The following RPL15 variants were observed in gnomAD, a reference collection of about 807,000 sequenced individuals.
RPL15 encodes the protein large ribosomal subunit protein eL15.
For missense variants in RPL15, 161 were observed against 271.8 expected, an observed-to-expected ratio of 0.59 and a Z score of 2.87; for synonymous variants, 97 against 95.1, an observed-to-expected ratio of 1.02 and a Z score of -0.12.
rs1705018462 is a variant in RPL15, at chr3:23,920,515, T to C, written c.*1014T>C. The C allele has an allele frequency of 5.1e-6, 5 of 985,286 alleles. No individual in the cohort carries two copies. Among genetic ancestry groups the C allele is most frequent in the Non-Finnish European group, 6.0e-6 (5 of 829,796 alleles). The allele number at this position is 985,286 out of a possible 1,614,324, so 61.0% of individuals were successfully genotyped here. ...ACTATGAGTATACCACCACATTGCA[T>C]TTCTGTTTGCACCATGTCTTCCAGG... On this transcript the variant is annotated 3_prime_UTR_variant, in exon 4 of 4. Transcript: ENST00000307839.
At chr3:23,918,401 TC>T (rs776879944) in intron 2 of RPL15, 38 bp from the exon 3 acceptor site, 1 of 1,603,330 alleles carries the variant, frequency 6.2e-7, no homozygotes, top group South Asian at 1.1e-5. Flanking sequence ...CCTTACGGCT[TC>T]CTATAAAATC....
At chr3:23,921,576 T>G (rs769264177), downstream of RPL15, 2,821 of 624,552 alleles carry the variant, frequency 4.5e-3, 7 homozygotes, top group African/African-American at 9.3e-3. Context: ...TTGAGTTTTT[T>G]TTTTTTTTTT....
upstream of RPL15, chr3:23,916,904 C>A (rs567355103): frequency 6.5e-6 from 1 of 152,874 alleles, no homozygotes; most frequent in Non-Finnish European, 1.5e-5. Flanking sequence ...CTCGCTTAGC[C>A]GCCGAGACCT....
In RPL15 at chr3:23,920,758, C is replaced by A; in HGVS notation, c.*1257C>A. On this transcript the variant is annotated 3_prime_UTR_variant, in exon 4 of 4. Coordinates refer to ENST00000307839, the MANE Select transcript of RPL15 (RefSeq NM_002948.5). The stretch of plus-strand genomic sequence containing the variant: ...AAAGTTCTTGAGACCTAAATTTCTT[C>A]ACAAAAAAAGAAAAGATCTTAAGTC... 1 of 972,962 alleles carries A rather than the reference C, an allele frequency of 1.0e-6. No homozygotes were observed. The highest frequency in any genetic ancestry group is 1.2e-6 in the Non-Finnish European group (1 of 818,682). 60.3% of individuals were successfully genotyped at this position (972,962 alleles called of 1,614,324 possible).
chr3:23,921,756 G>T (rs1330163873), downstream of RPL15: 4 of 604,288 alleles, frequency 6.6e-6, no homozygotes, highest in East Asian at 1.1e-4. Flanking sequence ...TGTATTTTTA[G>T]TAGAGACTGG....
chr3:23,918,345 G>C (rs1417876153), intron 2 of RPL15, 95 bp from the exon 3 acceptor site: 2 of 1,381,454 alleles, frequency 1.4e-6, no homozygotes, highest in Non-Finnish European at 2.0e-6. Context: ...ACTTACTGTT[G>C]AAGTATTTTT....
chr3:23,924,238 A>G (rs1224329988), downstream of RPL15: 1 of 152,248 alleles, frequency 6.6e-6, no homozygotes, highest in Non-Finnish European at 1.5e-5. Flanking sequence ...AACTAATTCA[A>G]TAAATAAAGT....
chr3:23,919,770 TAAATTCTTTAAAAGGAGAG>T lies in RPL15; in HGVS notation c.*272_*290del. ...ATACTGTGTGGTATAACAGGCTTAA[TAAATTCTTTAAAAGGAGAG>T]AACTGAAACTAGCCCTGTAGATTTG... On this transcript the variant is annotated 3_prime_UTR_variant, in exon 4 of 4. Coordinates refer to ENST00000307839, the MANE Select transcript of RPL15 (RefSeq NM_002948.5). 1 of 1,150,174 alleles carries T rather than the reference TAAATTCTTTAAAAGGAGAG, an allele frequency of 8.7e-7. No individual in the cohort carries two copies. The highest frequency in any genetic ancestry group is 4.5e-5 in the East Asian group (1 of 22,432). 71.2% of individuals were successfully genotyped at this position (1,150,174 alleles called of 1,614,324 possible).
At chr3:23,916,657 C>T (rs1247813721), upstream of RPL15, 1 of 152,578 alleles carries the variant, frequency 6.6e-6, no homozygotes, top group Non-Finnish European at 1.5e-5. Flanking sequence ...CGGGGGATCT[C>T]TCAGCGCAGC....
chr3:23,920,671 C>G lies in RPL15; in HGVS notation c.*1170C>G. ...TTCTGAACCAATTTTCTCCTATCTT[C>G]TCTAGGGGTTTCAAAAGACTCAGTT... On this transcript the variant is annotated 3_prime_UTR_variant, in exon 4 of 4. Transcript: ENST00000307839. 1.0e-6 allele frequency: 1 copy of G among 985,234 alleles called. No homozygotes were observed. The highest frequency in any genetic ancestry group is 1.2e-6 in the Non-Finnish European group (1 of 829,794). 61.0% of individuals were successfully genotyped at this position (985,234 alleles called of 1,614,324 possible).
chr3:23,920,151 T>A lies in RPL15; in HGVS notation c.*650T>A. ...AGCAATGAATGCTAGGGTGGGAAGCTGGTGAGCCAGTGGCCATTAGATAAA... is the reference window on the plus strand; with the variant it reads ...AGCAATGAATGCTAGGGTGGGAAGCAGGTGAGCCAGTGGCCATTAGATAAA... On this transcript the variant is annotated 3_prime_UTR_variant, in exon 4 of 4. Coordinates refer to ENST00000307839, the MANE Select transcript of RPL15 (RefSeq NM_002948.5). The A allele has an allele frequency of 2.0e-6, 2 of 985,844 alleles. No individual in the cohort carries two copies. Among genetic ancestry groups the A allele is most frequent in the Non-Finnish European group, 1.2e-6 (1 of 829,892 alleles). The allele number at this position is 985,844 out of a possible 1,614,324, so 61.1% of individuals were successfully genotyped here.
At chr3:23,917,691 C>A in intron 1 of RPL15, 159 bp from the exon 2 acceptor site, 1 of 674,530 alleles carries the variant, frequency 1.5e-6, no homozygotes, top group Non-Finnish European at 2.5e-6. Flanking sequence ...TCCGTGGGCG[C>A]AGTGGTGGGG....
At chr3:23,921,681 T>A (rs755124866), downstream of RPL15, 10 of 667,274 alleles carry the variant, frequency 1.5e-5, no homozygotes, top group Non-Finnish European at 2.4e-5. Flanking sequence ...TTTGAGCAAT[T>A]CTTCTGCCTC....
Position 23,919,538 on chromosome 3 carries a change from A to T in RPL15, c.*37A>T. 3.4e-6 allele frequency: 5 copies of T among 1,488,986 alleles called. No individual in the cohort carries two copies. Among genetic ancestry groups the T allele is most frequent in the Non-Finnish European group, 4.5e-6 (5 of 1,122,794 alleles). The allele number at this position is 1,488,986 out of a possible 1,614,324, so 92.2% of individuals were successfully genotyped here. ...TTTGTAAAATTCATACTTAATAAAC[A>T]ATTTAGGACAGTCATGTCTGCTTAC... is the stretch of plus-strand genomic sequence containing the variant. On this transcript the variant is annotated 3_prime_UTR_variant, in exon 4 of 4. Coordinates refer to ENST00000307839, the MANE Select transcript of RPL15 (RefSeq NM_002948.5).
At chr3:23,916,845 G>A (rs1233698755), upstream of RPL15, 1 of 152,824 alleles carries the variant, frequency 6.5e-6, no homozygotes. Flanking sequence ...ACCGGCTTTG[G>A]AGCCTGGACC....
intron 1 of RPL15, 97 bp from the exon 2 acceptor site, chr3:23,917,753 G>A (rs1704727117): frequency 8.1e-7 from 1 of 1,236,828 alleles, no homozygotes; most frequent in Non-Finnish European, 1.1e-6. Context: ...CATTCCCGGC[G>A]GTTTCCTTGT....
At position 23,919,626 on chromosome 3, in the gene RPL15, A is replaced by G. The variant is rs1461145283; in HGVS notation, c.*125A>G. The G allele has an allele frequency of 2.8e-6, 4 of 1,423,786 alleles. No individual in the cohort carries two copies. Among genetic ancestry groups the G allele is most frequent in the Non-Finnish European group, 1.8e-6 (2 of 1,093,498 alleles). 88.2% of individuals were successfully genotyped at this position (1,423,786 alleles called of 1,614,324 possible). A position where few individuals can be genotyped will look rare whatever the true frequency, so the allele number is the denominator to read the frequency against. On this transcript the variant is annotated 3_prime_UTR_variant, in exon 4 of 4. Transcript: ENST00000307839. ...TTCTTGAATGCTTTGTCAAATTAAG[A>G]AAGTTAAAGTGCAATAATGTTTGAA... is the stretch of plus-strand genomic sequence containing the variant.
chr3:23,917,776 A>G lies in RPL15; in HGVS notation c.-10-74A>G, dbSNP rs1275545987. 6 of 1,419,436 alleles carry G rather than the reference A, an allele frequency of 4.2e-6. No individual in the cohort carries two copies. The East Asian group carries it at 1.2e-4, about 28-fold the overall frequency. 87.9% of individuals were successfully genotyped at this position (1,419,436 alleles called of 1,614,324 possible). On this transcript the variant is annotated intron_variant, in intron 1 of 3. Transcript: ENST00000307839. ...GCGGTTTCCTTGTTTTTGTTGGGGA[A>G]CTAAGATGGACGGATACAGTCGTCT...
chr3:23,917,015 A>C (rs1459728444), upstream of RPL15: 1 of 152,608 alleles, frequency 6.6e-6, no homozygotes, highest in African/African-American at 2.4e-5. Flanking sequence ...CCCACTCGGC[A>C]GAACTCCGCC....
Sources: gnomAD v4.1 joint callset for allele counts on GRCh38, gnomAD v4.1.1 for gene constraint, MANE v1.5 for transcripts, NCBI Gene and HGNC (gene_info 2026-07-23, HGNC 2026-07-21) for gene names.